Variants in ZNF483 observed in about 807,000 individuals in gnomAD.
ZNF483 encodes zinc finger protein 483, also known as zinc finger protein HIT-10.
A neutral mutation model predicts 28.6 loss-of-function variants in ZNF483; 9 were observed. That is an observed-to-expected ratio of 0.32 (90% CI 0.19 to 0.55). ZNF483 has a LOEUF of 0.55. Among genes scored for constraint, ZNF483 ranks in the 20% least tolerant of loss-of-function variants. The pLI is 0.93. For missense variants in ZNF483, 675 were observed against 871.7 expected (o/e 0.77, Z 2.84); for synonymous variants, 322 against 306.2 (o/e 1.05, Z -0.54).
At chr9:111,559,764 C>T (rs1828222323), downstream of ZNF483, among the ~76,000 whole-genome samples, 1 of 152,220 alleles carries the variant, frequency 6.6e-6, no homozygotes, top group African/African-American at 2.4e-5. Flanking sequence ...CCCCAGCAGA[C>T]AGTCACCTTG....
chr9:111,572,713 C>T (rs1427435329), intron 5 of ZNF483, among the ~76,000 whole-genome samples: 21 of 138,706 alleles, frequency 1.5e-4, no homozygotes, highest in Admixed American at 9.9e-4. Flanking sequence ...GCCATGATTG[C>T]GCCACTGCAC....
rs1443087143 is a variant in ZNF483 at position 111,551,273 on chromosome 9, A to G, written c.*8103A>G. 6.6e-6 allele frequency among the ~76,000 whole-genome samples: 1 copy of G among 152,226 alleles called. No homozygotes were observed. Among genetic ancestry groups the G allele is most frequent in the Non-Finnish European group, 1.5e-5 (1 of 68,034 alleles). On this transcript the variant is annotated 3_prime_UTR_variant, in exon 6 of 6. Transcript: ENST00000309235. ...CACACAAAATTTTCATTTGTAATAC[A>G]TAACTCACATTTAGATTTATAAAAC...
downstream of ZNF483, among the ~76,000 whole-genome samples, chr9:111,559,303 C>T (rs1828208616): frequency 6.6e-6 from 1 of 152,146 alleles, no homozygotes; most frequent in South Asian, 2.1e-4. Flanking sequence ...CAAGCTGCCC[C>T]CAGGCACGAT....
rs770492879 is a variant in ZNF483 at position 111,543,170 on chromosome 9, A to G, written c.2235A>G (p.Ter745=). Residue 745 remains the stop codon, a stop_retained_variant, in exon 6 of 6, where the codon TAA becomes TAG. Transcript: ENST00000309235. The part of the protein sequence containing the change: ...IRHRGFHSAE[*] ...ATCGGGGATTTCACTCTGCAGAGTA[A>G]TCCTGGAACTACATTAAAGTGGGGG... The G allele has an allele frequency of 3.1e-6, 5 of 1,590,284 alleles. No individual in the cohort carries two copies. The South Asian group carries it at 5.8e-5, about 18-fold the overall frequency.
downstream of ZNF483, among the ~76,000 whole-genome samples, chr9:111,558,096 G>A (rs190778886): frequency 1.4e-3 from 218 of 152,150 alleles, 1 homozygote; most frequent in Non-Finnish European, 2.3e-3. Context: ...GCACTAAGCC[G>A]AGATTGCACC....
At chr9:111,538,659 C>G (rs569512658) in intron 5 of ZNF483, among the ~76,000 whole-genome samples, 1 of 152,212 alleles carries the variant, frequency 6.6e-6, no homozygotes, top group South Asian at 2.1e-4. Flanking sequence ...TTGTGTAGTT[C>G]TAGCAGCACT....
chr9:111,558,892 C>G (rs552130475), downstream of ZNF483, among the ~76,000 whole-genome samples: 2 of 152,288 alleles, frequency 1.3e-5, no homozygotes, highest in South Asian at 4.1e-4. Flanking sequence ...CTTCCCTTAT[C>G]TTTAATTTAC....
chr9:111,543,427 C>T lies in ZNF483; in HGVS notation c.*257C>T. ...CCAGACGAATTGGAAAAGCTCTTTT[C>T]TTCAGGGGATTTCTCTCTGATTTCT... On this transcript the variant is annotated 3_prime_UTR_variant, in exon 6 of 6. Transcript: ENST00000309235. The T allele has an allele frequency of 8.2e-7, 1 of 1,212,954 alleles. No homozygotes were observed. Among genetic ancestry groups the T allele is most frequent in the Middle Eastern group, 3.4e-4 (1 of 2,948 alleles). The allele number at this position is 1,212,954 out of a possible 1,614,324, so 75.1% of individuals were successfully genotyped here. A position where few individuals can be genotyped will look rare whatever the true frequency, so the allele number is the denominator to read the frequency against.
At chr9:111,562,937 G>A in intron 5 of ZNF483, 1 of 1,386,366 alleles carries the variant, frequency 7.2e-7, no homozygotes, top group Non-Finnish European at 9.3e-7. Flanking sequence ...GGTTGTTGTT[G>A]ACTTTGAAAC....
chr9:111,542,513 A>C lies in ZNF483; in HGVS notation c.1578A>C (p.Lys526Asn). 6.2e-7 allele frequency: 1 copy of C among 1,614,092 alleles called. No individual in the cohort carries two copies. The highest frequency in any genetic ancestry group is 8.5e-7 in the Non-Finnish European group (1 of 1,180,016). The change falls in exon 6 of 6, where the codon AAA becomes AAC. Residue 526 changes from lysine (K) to asparagine (N), a missense_variant. Lys to Asn is a moderately conservative substitution (Grantham distance 94, BLOSUM62 0). Transcript: ENST00000309235. This position sits in a 1 kb window ranked among gnomAD's most constrained non-coding sequence, Gnocchi z 6.2. ...IHTGEKPYKCKDCGRPFSDSS... is the reference protein window; with the variant it reads ...IHTGEKPYKCNDCGRPFSDSS... ...CTGGAGAAAAACCTTATAAATGTAA[A>C]GACTGTGGGAGACCCTTTAGTGACA...
intron 5 of ZNF483, among the ~76,000 whole-genome samples, chr9:111,568,157 A>G (rs1589296206): frequency 6.6e-6 from 1 of 152,204 alleles, no homozygotes; most frequent in Non-Finnish European, 1.5e-5. Flanking sequence ...GTTGGGAAAA[A>G]CACAGCCATA....
Position 111,534,599 on chromosome 9 carries a change from A to G in ZNF483, c.721+246A>G, listed in dbSNP as rs796222443. 1.2e-4 allele frequency among the ~76,000 whole-genome samples: 18 copies of G among 152,240 alleles called. 2 individuals carry two copies. The highest frequency in any genetic ancestry group is 4.3e-4 in the African/African-American group (18 of 41,554). On this transcript the variant is annotated intron_variant, in intron 5 of 5. Coordinates refer to ENST00000309235, the MANE Select transcript of ZNF483 (RefSeq NM_133464.5). ...AAGATTCAGTGAAGGAAAATGAGGA[A>G]GGAACTAGAAGAAGCCGGAATAGCC... is the stretch of plus-strand genomic sequence containing the variant.
At position 111,543,079 on chromosome 9, in the gene ZNF483, G is replaced by A; in HGVS notation, c.2144G>A (p.Gly715Glu). The A allele has an allele frequency of 6.2e-7, 1 of 1,614,078 alleles. No homozygotes were observed. The highest frequency in any genetic ancestry group is 8.5e-7 in the Non-Finnish European group (1 of 1,179,996). The change falls in exon 6 of 6, where the codon GGA becomes GAA. Residue 715 changes from glycine (G) to glutamate (E), a missense_variant. Physicochemically the swap from Gly to Glu is moderately conservative, Grantham distance 98. This residue lies in a region of ZNF483 where 55 missense variants were observed against 72.4 expected (regional missense o/e 0.76). Transcript: ENST00000309235. ...GTAGAACACCTAAAAATTCATACCG[G>A]AAGGAGAGAATATGAATGTAACGAA... ...ILVEHLKIHT[G>E]RREYECNECE...
At chr9:111,541,626 C>G in intron 5 of ZNF483, 31 bp from the exon 6 acceptor site, 1 of 1,529,192 alleles carries the variant, frequency 6.5e-7, no homozygotes, top group Non-Finnish European at 8.8e-7. Context: ...TTCTTGCAAA[C>G]AGGAAATATT....
chr9:111,547,388 G>C lies in ZNF483; in HGVS notation c.*4218G>C, dbSNP rs1172273762. 6.6e-6 allele frequency among the ~76,000 whole-genome samples: 1 copy of C among 152,060 alleles called. No individual in the cohort carries two copies. Among genetic ancestry groups the C allele is most frequent in the African/African-American group, 2.4e-5 (1 of 41,426 alleles). On this transcript the variant is annotated 3_prime_UTR_variant, in exon 6 of 6. Transcript: ENST00000309235. ...TCTAGTTTTGTTTTGCATTTCCCTA[G>C]TGATTAGTGATGTTAACTGTCTTTT... is the stretch of plus-strand genomic sequence containing the variant.
rs932838320 is a variant in ZNF483, at chr9:111,544,322, A to G, written c.*1152A>G. On this transcript the variant is annotated 3_prime_UTR_variant, in exon 6 of 6. Transcript: ENST00000309235. Reference sequence around the variant, plus strand: ...TGTGTGGCAACAGTTAAAAGCTGTTATAACAATTTGCTTGGGTGTGTGTGC... The same window carrying G: ...TGTGTGGCAACAGTTAAAAGCTGTTGTAACAATTTGCTTGGGTGTGTGTGC... The G allele has an allele frequency of 3.0e-6, 3 of 984,356 alleles. No homozygotes were observed. Among genetic ancestry groups the G allele is most frequent in the Admixed American group, 6.2e-5 (1 of 16,152 alleles). 61.0% of individuals were successfully genotyped at this position (984,356 alleles called of 1,614,324 possible). A position where few individuals can be genotyped will look rare whatever the true frequency, so the allele number is the denominator to read the frequency against.
rs1310786677 is a variant in ZNF483 at position 111,551,351 on chromosome 9, T to G, written c.*8181T>G. Among the ~76,000 whole-genome samples the G allele has an allele frequency of 6.6e-6, 1 of 151,992 alleles. No individual in the cohort carries two copies. The highest frequency in any genetic ancestry group is 6.6e-5 in the Admixed American group (1 of 15,246). ...TTCTTCCAAACATACTTTGTTGTTG[T>G]TCTAAATATACTTAATTTTCCAATA... On this transcript the variant is annotated 3_prime_UTR_variant, in exon 6 of 6. Transcript: ENST00000309235.
At chr9:111,576,584 T>C (rs2132382787) in exon 6 of ZNF483, 1 of 667,076 alleles carries the variant, frequency 1.5e-6, no homozygotes, top group Non-Finnish European at 2.4e-6. Context: ...ACTTAACACT[T>C]CTGAACCTCC....
chr9:111,565,728 T>C (rs1828533165), intron 5 of ZNF483, among the ~76,000 whole-genome samples: 2 of 152,088 alleles, frequency 1.3e-5, no homozygotes, highest in African/African-American at 4.8e-5. Flanking sequence ...TCTCATTATG[T>C]TGCCAGGGCT....
Sources: gnomAD v4.1 joint callset for allele counts (sites outside exome capture counted in the v4.1 genomes callset) on GRCh38, gnomAD v4.1.1 for gene constraint, gnomAD v4.1.1 regional missense constraint, Gnocchi (gnomAD v3.1) non-coding constraint, MANE v1.5 for transcripts, NCBI Gene and HGNC (gene_info 2026-07-23, HGNC 2026-07-21) for gene names.